Variants in RFWD3 observed in about 807,000 individuals in gnomAD.
RFWD3 encodes the protein ring finger and WD repeat domain 3.
RFWD3 carries 65 observed loss-of-function variants against 87.7 expected under a neutral mutation model. The ratio of observed to expected loss-of-function variants is 0.74; its 90% CI spans 0.61 to 0.91. The LOEUF is 0.91. Among genes scored for constraint, RFWD3 ranks in the 40% least tolerant of loss-of-function variants. RFWD3 has a pLI of 0.00. For missense variants in RFWD3, 1,078 were observed against 938.5 expected, an observed-to-expected ratio of 1.15 and a Z score of -1.94; for synonymous variants, 433 against 352.8, an observed-to-expected ratio of 1.23 and a Z score of -2.55.
At chr16:74,640,937 T>C (rs1320368419) in intron 6 of RFWD3, among the ~76,000 whole-genome samples, 2 of 152,062 alleles carry the variant, frequency 1.3e-5, no homozygotes, top group Admixed American at 1.3e-4. Context: ...AGACTCTGTC[T>C]CAAAATAAAT....
intron 1 of RFWD3, among the ~76,000 whole-genome samples, chr16:74,665,013 T>C (rs546074727): frequency 2.9e-4 from 44 of 152,338 alleles, no homozygotes; most frequent in African/African-American, 1.1e-3. Flanking sequence ...CGCTGTTTTT[T>C]ATGTGTGCTG....
rs182208394 is a variant in RFWD3, at chr16:74,651,149, T to G, written c.721+771A>C. Among the ~76,000 whole-genome samples the G allele has an allele frequency of 1.5e-3, 227 of 152,322 alleles. 1 individual carries two copies. The highest frequency in any genetic ancestry group is 2.7e-3 in the Non-Finnish European group (187 of 68,024). On this transcript the variant is annotated intron_variant, in intron 3 of 12. Transcript: ENST00000361070. ...ATATTCTTTCAGTGGTAAAATATAC[T>G]GAAAGAGCGCCCTCTGGGGATCAGA...
At chr16:74,637,100 G>C (rs1959216057) in intron 7 of RFWD3, among the ~76,000 whole-genome samples, 1 of 140,600 alleles carries the variant, frequency 7.1e-6, no homozygotes, top group Admixed American at 7.5e-5. Flanking sequence ...AGTCCTTAAT[G>C]GTGGTTTCGT....
chr16:74,636,639 A>G, intron 7 of RFWD3, 62 bp from the exon 8 acceptor site: 1 of 1,215,800 alleles, frequency 8.2e-7, no homozygotes, highest in South Asian at 1.4e-5. Context: ...CTCAAATACA[A>G]TTCCTTGATC....
chr16:74,663,756 G>C (rs1249289461), intron 1 of RFWD3, among the ~76,000 whole-genome samples: 1 of 152,220 alleles, frequency 6.6e-6, no homozygotes, highest in African/African-American at 2.4e-5. Context: ...TGACTGCTTA[G>C]CAGAGCCAAA....
chr16:74,625,183 G>C (rs924177032), intron 12 of RFWD3, among the ~76,000 whole-genome samples: 1 of 138,628 alleles, frequency 7.2e-6, no homozygotes, highest in Non-Finnish European at 1.5e-5. Flanking sequence ...CTGGGCAACA[G>C]AGCAAGACCC....
chr16:74,642,333 A>G (rs1959731982), intron 6 of RFWD3, among the ~76,000 whole-genome samples: 1 of 152,096 alleles, frequency 6.6e-6, no homozygotes, highest in African/African-American at 2.4e-5. Context: ...CATGCTGCTC[A>G]GGCTGGTCTC....
intron 6 of RFWD3, among the ~76,000 whole-genome samples, chr16:74,643,699 G>A (rs12924948): frequency 0.58 from 76,637 of 133,248 alleles, 23,221 homozygotes; most frequent in African/African-American, 0.76. Context: ...TTTTTGAGAC[G>A]GAGTCTTGCT....
rs528694610 is a variant in RFWD3 at position 74,650,041 on chromosome 16, G to A, written c.722-839C>T. 1.9e-4 allele frequency among the ~76,000 whole-genome samples: 29 copies of A among 152,140 alleles called. 1 individual carries two copies. The South Asian group carries it at 5.8e-3, about 31-fold the overall frequency. ...AATCCACATTTGCATCTGCAGCCCT[G>A]GGCAACCACTAATATTATCTCTGTA... On this transcript the variant is annotated intron_variant, in intron 3 of 12. Transcript: ENST00000361070.
chr16:74,644,798 T>G, intron 4 of RFWD3, 63 bp from the exon 5 acceptor site: 1 of 1,504,472 alleles, frequency 6.6e-7, no homozygotes, highest in Non-Finnish European at 9.0e-7. Flanking sequence ...GAAGAAGATG[T>G]GCAACTAAGA....
intron 6 of RFWD3, among the ~76,000 whole-genome samples, chr16:74,642,365 C>A (rs960739833): frequency 1.3e-5 from 2 of 152,046 alleles, no homozygotes; most frequent in Non-Finnish European, 2.9e-5. Context: ...CTCAGGCGAT[C>A]TGCCTGCCTC....
intron 2 of RFWD3, among the ~76,000 whole-genome samples, chr16:74,652,906 C>G (rs1461062069): frequency 6.6e-6 from 1 of 152,148 alleles, no homozygotes; most frequent in Non-Finnish European, 1.5e-5. Context: ...GTCTCCAACT[C>G]CTGACCTCAA....
In RFWD3 at chr16:74,630,840, C is replaced by G. The variant is rs138396009; in HGVS notation, c.1695G>C (p.Leu565=). The G allele has an allele frequency of 3.7e-6, 6 of 1,613,594 alleles. No homozygotes were observed. Among genetic ancestry groups the G allele is most frequent in the Non-Finnish European group, 5.1e-6 (6 of 1,179,906 alleles). ...IYAGLANGSI[L]VYDVRNTSSH... is the part of the protein sequence containing the mutation. Reference sequence around the variant, plus strand: ...TGCTCGTGTTTCGCACGTCATATACCAGAATTGAACCATTGGCCAGTCCAG... The same window carrying G: ...TGCTCGTGTTTCGCACGTCATATACGAGAATTGAACCATTGGCCAGTCCAG... The change falls in exon 10 of 13, where the codon CTG becomes CTC. Residue 565 remains leucine (L), a synonymous_variant. Transcript: ENST00000361070.
At chr16:74,657,067 C>T (rs1198243070) in intron 2 of RFWD3, among the ~76,000 whole-genome samples, 2 of 152,162 alleles carry the variant, frequency 1.3e-5, no homozygotes, top group African/African-American at 2.4e-5. Context: ...AGGCTTTTCA[C>T]ACTCTGCATT....
chr16:74,629,553 G>C (rs1398668833), intron 10 of RFWD3, among the ~76,000 whole-genome samples: 1 of 152,026 alleles, frequency 6.6e-6, no homozygotes, highest in East Asian at 1.9e-4. Context: ...CAGCTACTCG[G>C]GAGGTGGAGG....
At chr16:74,665,481 G>A (rs539758016) in intron 1 of RFWD3, among the ~76,000 whole-genome samples, 1 of 152,026 alleles carries the variant, frequency 6.6e-6, no homozygotes, top group East Asian at 2.0e-4. Flanking sequence ...GGGAGGCTGA[G>A]GCAGGAGAAT....
At chr16:74,644,815 CA>C in intron 4 of RFWD3, 80 bp from the exon 5 acceptor site, 1 of 1,341,692 alleles carries the variant, frequency 7.5e-7, no homozygotes. Context: ...AAGAAATTAA[CA>C]GAAGTGCAAA....
chr16:74,655,067 T>C (rs1232073720), intron 2 of RFWD3, among the ~76,000 whole-genome samples: 1 of 152,026 alleles, frequency 6.6e-6, no homozygotes, highest in African/African-American at 2.4e-5. Context: ...CTAAGACAAT[T>C]GATGAAAGTA....
intron 1 of RFWD3, among the ~76,000 whole-genome samples, chr16:74,665,042 T>G: frequency 6.6e-6 from 1 of 152,178 alleles, no homozygotes; most frequent in Non-Finnish European, 1.5e-5. Flanking sequence ...GCTTAAAATG[T>G]CAACCTCAGA....
Sources: allele counts gnomAD v4.1 joint callset (sites outside exome capture counted in the v4.1 genomes callset), GRCh38; gene constraint gnomAD v4.1.1; transcripts MANE v1.5; gene names NCBI Gene and HGNC (gene_info 2026-07-23, HGNC 2026-07-21).